CENPE: variants seen among roughly 807,000 people sequenced by gnomAD.
The protein encoded by CENPE is centromere-associated protein E.
Under a neutral mutation model 336.1 loss-of-function variants are expected in CENPE, and 145 were observed. The observed-to-expected ratio is 0.43, with a 90% confidence interval of 0.38 to 0.50. The LOEUF is 0.50. CENPE is among the 20% of genes least tolerant of loss of function. The pLI, the probability that CENPE is intolerant of heterozygous loss-of-function variation, is 0.00. For missense variants in CENPE, 2,719 were observed against 3,023.3 expected (o/e 0.90, Z 2.36); for synonymous variants, 1,013 against 984.8 (o/e 1.03, Z -0.54).
At chr4:103,153,422 C>G (rs1179659647) in intron 24 of CENPE, among the ~76,000 whole-genome samples, 172 bp from the exon 25 acceptor site, 1 of 152,126 alleles carries the variant, frequency 6.6e-6, no homozygotes, top group Non-Finnish European at 1.5e-5. Flanking sequence ...CTTCATTTGA[C>G]AGATGAGGAA....
intron 18 of CENPE, among the ~76,000 whole-genome samples, chr4:103,161,805 G>A (rs1258380251): frequency 1.3e-5 from 2 of 151,840 alleles, no homozygotes; most frequent in Non-Finnish European, 2.9e-5. Context: ...ATAGGTAAGT[G>A]GCTAACAGTT....
rs560150863 is a variant in CENPE at position 103,110,520 on chromosome 4, T to G, written c.7724+308A>C. ...ATAATGGACGTAAGGAGTTCCTCTC[T>G]AAGTAAAGCCTCACTGGCTTGGGTA... On this transcript the variant is annotated intron_variant, in intron 47 of 48. Coordinates refer to ENST00000265148, the MANE Select transcript of CENPE (RefSeq NM_001813.3). Among the ~76,000 whole-genome samples, 8 of 152,270 alleles carry G rather than the reference T, an allele frequency of 5.3e-5. No homozygotes were observed. The East Asian group carries it at 1.5e-3, about 29-fold the overall frequency.
chr4:103,148,982 T>C lies in CENPE; in HGVS notation c.3705A>G (p.Glu1235=), dbSNP rs775556744. The C allele has an allele frequency of 1.1e-4, 170 of 1,613,288 alleles. No homozygotes were observed. Among genetic ancestry groups the C allele is most frequent in the Non-Finnish European group, 1.4e-4 (161 of 1,179,864 alleles). ...GGTGAATATGAGCAATTTTTAGTTCTTCTTTGGTTTGTAGGCCCTTGGCGA... is the reference window on the plus strand; with the variant it reads ...GGTGAATATGAGCAATTTTTAGTTCCTCTTTGGTTTGTAGGCCCTTGGCGA... ...EIEATGLQTK[E]ELKIAHIHLK... is the part of the protein sequence containing the mutation. Residue 1235 remains glutamate, a synonymous_variant, in exon 28 of 49, where the codon GAA becomes GAG. Transcript: ENST00000265148.
intron 15 of CENPE, among the ~76,000 whole-genome samples, chr4:103,175,134 A>G (rs181658640): frequency 6.9e-4 from 105 of 152,152 alleles, no homozygotes; most frequent in Middle Eastern, 3.4e-3. Context: ...AATTTTGACC[A>G]TAAGTCCTCA....
intron 42 of CENPE, among the ~76,000 whole-genome samples, chr4:103,127,737 T>C (rs80302232): frequency 0.02 from 3,010 of 152,228 alleles, 97 homozygotes; most frequent in African/African-American, 0.068. Context: ...TAAATGGATA[T>C]ATTGCAAACT....
At chr4:103,111,062 T>G in intron 46 of CENPE, 51 bp from the exon 47 acceptor site, 1 of 1,355,308 alleles carries the variant, frequency 7.4e-7, no homozygotes, top group South Asian at 1.4e-5. Context: ...GTCTCCAAAG[T>G]TCAAAATAAA....
In CENPE at chr4:103,145,876, A is replaced by C; in HGVS notation, c.4366T>G (p.Ser1456Ala). The change falls in exon 30 of 49, where the codon TCT becomes GCT. Residue 1456 changes from serine to alanine, a missense_variant. Ser to Ala is a moderately conservative substitution (Grantham distance 99). Around this residue, in one of 5 missense-constraint regions of CENPE, gnomAD observed 2,437 missense variants for 2,513.3 expected, o/e 0.97. Transcript: ENST00000265148. ...DLQRLQEVLQ[S>A]ESDQLKENIK... Reference sequence around the variant, plus strand: ...TTTTCTTTGAGCTGGTCACTTTCAGATTGAAGAACTTCTTGCAGCCTCTGT... The same window carrying C: ...TTTTCTTTGAGCTGGTCACTTTCAGCTTGAAGAACTTCTTGCAGCCTCTGT... The C allele has an allele frequency of 6.2e-7, 1 of 1,613,210 alleles. No homozygotes were observed. Among genetic ancestry groups the C allele is most frequent in the Non-Finnish European group, 8.5e-7 (1 of 1,179,804 alleles).
intron 42 of CENPE, 47 bp from the exon 43 acceptor site, chr4:103,123,136 A>T: frequency 1.3e-5 from 18 of 1,358,026 alleles, no homozygotes; most frequent in Non-Finnish European, 1.9e-5. Context: ...GATTTATAGT[A>T]GTCCCCACTT....
chr4:103,114,380 T>A (rs1749889833), intron 46 of CENPE, 75 bp downstream of exon 46: 1 of 873,990 alleles, frequency 1.1e-6, no homozygotes, highest in Non-Finnish European at 1.9e-6. Flanking sequence ...ACATACTACA[T>A]AATATTAGTC....
At chr4:103,112,201 A>G (rs1399551253) in intron 46 of CENPE, among the ~76,000 whole-genome samples, 1 of 149,230 alleles carries the variant, frequency 6.7e-6, no homozygotes, top group Non-Finnish European at 1.5e-5. Flanking sequence ...GTAACATATA[A>G]TATACAGAAT....
intron 42 of CENPE, among the ~76,000 whole-genome samples, chr4:103,126,952 G>A (rs1004376750): frequency 1.3e-5 from 2 of 151,864 alleles, no homozygotes; most frequent in African/African-American, 4.8e-5. Context: ...AAGGTGTAAT[G>A]TATACATAAT....
chr4:103,152,525 C>T (rs1753644560), intron 25 of CENPE, among the ~76,000 whole-genome samples: 1 of 152,062 alleles, frequency 6.6e-6, no homozygotes, highest in African/African-American at 2.4e-5. Flanking sequence ...TAGATATTTA[C>T]CTTAAGTAAA....
intron 24 of CENPE, among the ~76,000 whole-genome samples, chr4:103,153,926 T>C (rs572451106): frequency 1.3e-5 from 2 of 152,286 alleles, no homozygotes; most frequent in East Asian, 1.9e-4. Context: ...GTGAAATTCA[T>C]CTTTTCTTAA....
At chr4:103,129,768 G>T (rs1176409789) in intron 42 of CENPE, among the ~76,000 whole-genome samples, 1 of 151,844 alleles carries the variant, frequency 6.6e-6, no homozygotes, top group Non-Finnish European at 1.5e-5. Flanking sequence ...TGTAAAAAAA[G>T]ATGTGAAAAT....
intron 11 of CENPE, among the ~76,000 whole-genome samples, chr4:103,182,121 C>T (rs1234080433): frequency 7.0e-6 from 1 of 143,668 alleles, no homozygotes; most frequent in East Asian, 2.0e-4. Flanking sequence ...GACATAGTTT[C>T]GCTCTTGTTG....
rs553464750 is a variant in CENPE, at chr4:103,134,827, T to C, written c.6523-935A>G. On this transcript the variant is annotated intron_variant, in intron 40 of 48. Transcript: ENST00000265148. ...TACCCAGGTAGGGCAGATACCAGCT[T>C]ACTTATTCCTCAACTTCCACCATTC... Among the ~76,000 whole-genome samples, 108 of 152,292 alleles carry C rather than the reference T, an allele frequency of 7.1e-4. 1 individual carries two copies. The highest frequency in any genetic ancestry group is 1.4e-3 in the Non-Finnish European group (93 of 68,016).
intron 1 of CENPE, 125 bp from the exon 2 acceptor site, chr4:103,196,975 G>A (rs1264367275): frequency 6.2e-6 from 4 of 650,228 alleles, no homozygotes; most frequent in Non-Finnish European, 1.1e-5. Context: ...ATGACAGAAA[G>A]TCCATCTTTG....
intron 34 of CENPE, among the ~76,000 whole-genome samples, chr4:103,143,003 C>CAAAAAAAAAAAA (rs1168385683): frequency 3.2e-5 from 2 of 62,976 alleles, no homozygotes; most frequent in Non-Finnish European, 3.1e-5. Flanking sequence ...GACTCTGTCT[C>CAAAAAAAAAAAA]AAAAAAAAAA....
chr4:103,191,125 A>G (rs113100285), intron 8 of CENPE, among the ~76,000 whole-genome samples: 1,526 of 152,300 alleles, frequency 0.01, 30 homozygotes, highest in African/African-American at 0.035. Context: ...TAGAATGGCA[A>G]TCGTTAAAAA....
Sources: gnomAD v4.1 joint callset for allele counts (sites outside exome capture counted in the v4.1 genomes callset) on GRCh38, gnomAD v4.1.1 for gene constraint, gnomAD v4.1.1 regional missense constraint, MANE v1.5 for transcripts, NCBI Gene and HGNC (gene_info 2026-07-23, HGNC 2026-07-21) for gene names.